Variants in VWF observed in about 807,000 individuals in gnomAD.
VWF encodes von Willebrand factor.
VWF carries 176 observed loss-of-function variants against 308.6 expected under a neutral mutation model. The observed-to-expected ratio is 0.57, with a 90% confidence interval of 0.50 to 0.65. The LOEUF (loss-of-function observed/expected upper bound fraction) is 0.65, where lower values mean the gene tolerates loss of function less well. VWF is among the 30% of genes least tolerant of loss of function. VWF has a pLI of 0.00. For missense variants in VWF, 3,146 were observed against 3,648.2 expected (o/e 0.86, Z 3.55); for synonymous variants, 1,385 against 1,443.4 (o/e 0.96, Z 0.92).
chr12:6,046,979 C>T lies in VWF; in HGVS notation c.2187-162G>A, dbSNP rs74058516. Among the ~76,000 whole-genome samples the T allele has an allele frequency of 2.2e-3, 342 of 152,296 alleles. 2 individuals carry two copies. The highest frequency in any genetic ancestry group is 7.6e-3 in the African/African-American group (315 of 41,558). On this transcript the variant is annotated intron_variant, in intron 16 of 51. Coordinates refer to ENST00000261405, the MANE Select transcript of VWF (RefSeq NM_000552.5). This position sits in a 1 kb window ranked among gnomAD's most constrained non-coding sequence, Gnocchi z 5.0. Reference sequence around the variant, plus strand: ...TAACGTTACCAATGGATGATCCCCACGTCACTAAATCCCATGGGACTTTTT... The same window carrying T: ...TAACGTTACCAATGGATGATCCCCATGTCACTAAATCCCATGGGACTTTTT...
chr12:6,026,022 T>C lies in VWF; in HGVS notation c.2992A>G (p.Asn998Asp). The C allele has an allele frequency of 6.2e-7, 1 of 1,613,852 alleles. No homozygotes were observed. Among genetic ancestry groups the C allele is most frequent in the Non-Finnish European group, 8.5e-7 (1 of 1,179,844 alleles). Residue 998 changes from asparagine to aspartate, a missense_variant, in exon 23 of 52, where the codon AAT becomes GAT. By Grantham distance (23) the Asn-to-Asp change is conservative. Around this residue, in one of 3 missense-constraint regions of VWF, gnomAD observed 1,304 missense variants for 1,353.0 expected, o/e 0.96. Coordinates refer to ENST00000261405, the MANE Select transcript of VWF (RefSeq NM_000552.5). Reference sequence around the variant, plus strand: ...TCATTGTTCTGGATGCCATCAAAATTCCCACACAGGCCACACACTTTCTCC... The same window carrying C: ...TCATTGTTCTGGATGCCATCAAAATCCCCACACAGGCCACACACTTTCTCC... ...YQEKVCGLCGNFDGIQNNDLT... is the reference protein window; with the variant it reads ...YQEKVCGLCGDFDGIQNNDLT...
intron 10 of VWF, among the ~76,000 whole-genome samples, chr12:6,066,463 C>T (rs1417438312): frequency 2.0e-5 from 3 of 152,240 alleles, no homozygotes; most frequent in Non-Finnish European, 4.4e-5. Flanking sequence ...TTTTCCCACC[C>T]AGTCACTCTA....
At chr12:6,066,219 C>T (rs1228782456) in intron 10 of VWF, among the ~76,000 whole-genome samples, 1 of 152,206 alleles carries the variant, frequency 6.6e-6, no homozygotes, top group Non-Finnish European at 1.5e-5. Flanking sequence ...GGTGTCCTGG[C>T]AGGGGGAGGC....
In VWF at chr12:6,097,048, A is replaced by G. The variant is rs142288997; in HGVS notation, c.533-1464T>C. On this transcript the variant is annotated intron_variant, in intron 5 of 51. Coordinates refer to ENST00000261405, the MANE Select transcript of VWF (RefSeq NM_000552.5). ...CTGGAGCATGTAAATATTATCTCAT[A>G]TGGCAAAAGATGTGCTTGAGTTAGG... Among the ~76,000 whole-genome samples the G allele has an allele frequency of 2.0e-3, 299 of 152,316 alleles. 2 individuals carry two copies. Among genetic ancestry groups the G allele is most frequent in the African/African-American group, 6.9e-3 (286 of 41,564 alleles).
intron 6 of VWF, among the ~76,000 whole-genome samples, chr12:6,092,563 AGTGT>A (rs1180304207): frequency 7.0e-6 from 1 of 142,264 alleles, no homozygotes; most frequent in Non-Finnish European, 1.5e-5. Flanking sequence ...ATGCCCAGCT[AGTGT>A]GTGTGCGTGC....
Position 5,967,363 on chromosome 12 carries a change from A to G in VWF, c.7887+123T>C, listed in dbSNP as rs902372127. 7.0e-6 allele frequency: 6 copies of G among 862,868 alleles called. No homozygotes were observed. In the African/African-American group the frequency reaches 1.0e-4, roughly 14 times the overall value. The allele number at this position is 862,868 out of a possible 1,614,324, so 53.5% of individuals were successfully genotyped here. On this transcript the variant is annotated intron_variant, in intron 47 of 51. Coordinates refer to ENST00000261405, the MANE Select transcript of VWF (RefSeq NM_000552.5). ...TTTAGTCTCTTCTTTATTATTGTCA[A>G]TTATTGTTTATAATCAGAAAATAAT...
At chr12:6,107,163 T>C (rs193205870) in intron 5 of VWF, among the ~76,000 whole-genome samples, 4 of 152,122 alleles carry the variant, frequency 2.6e-5, no homozygotes, top group Admixed American at 2.6e-4. Flanking sequence ...CTTACAAGAC[T>C]AAATACTGCA....
chr12:6,100,086 A>G (rs1945144406), intron 5 of VWF, among the ~76,000 whole-genome samples: 1 of 152,126 alleles, frequency 6.6e-6, no homozygotes, highest in African/African-American at 2.4e-5. Flanking sequence ...GGTGAAGGAC[A>G]TGAGCAGACA....
chr12:6,115,203 A>G (rs1945349324), intron 3 of VWF, among the ~76,000 whole-genome samples: 2 of 151,722 alleles, frequency 1.3e-5, no homozygotes. Flanking sequence ...TGCCCAGCTA[A>G]TTTTTGTATA....
chr12:6,072,375 C>A lies in VWF; in HGVS notation c.1065G>T (p.Lys355Asn), dbSNP rs1944790962. 6.2e-7 allele frequency: 1 copy of A among 1,614,108 alleles called. No individual in the cohort carries two copies. Among genetic ancestry groups the A allele is most frequent in the African/African-American group, 1.3e-5 (1 of 75,024 alleles). Reference sequence around the variant, plus strand: ...AGAGGGAGGTGCCGGGAGGGTAGCGCTTTCCGGAATGCACGCAGGGACACT... The same window carrying A: ...AGAGGGAGGTGCCGGGAGGGTAGCGATTTCCGGAATGCACGCAGGGACACT... ...STECPCVHSG[K>N]RYPPGTSLSR... The change falls in exon 9 of 52, where the codon AAG (lysine) becomes AAT (asparagine). Residue 355 changes from lysine (K) to asparagine (N), a missense_variant. By Grantham distance (94) the Lys-to-Asn change is moderately conservative. This residue lies in a region of VWF where 1,304 missense variants were observed against 1,353.0 expected (regional missense o/e 0.96). Coordinates refer to ENST00000261405, the MANE Select transcript of VWF (RefSeq NM_000552.5).
chr12:6,075,339 C>A lies in VWF; in HGVS notation c.870G>T (p.Ala290=). Residue 290 remains alanine (A), a synonymous_variant, in exon 7 of 52, where the codon GCG becomes GCT. Coordinates refer to ENST00000261405, the MANE Select transcript of VWF (RefSeq NM_000552.5). The surrounding 1 kb of genome is among the most constrained non-coding windows in gnomAD (Gnocchi z 4.7). ...CGGGGCAGGGGGCCGACTTACTGCA[C>A]GCGCTGTGGTCGGTCCAGCCGTACA... ...MVLYGWTDHS[A]CSPVCPAGME... 2.5e-6 allele frequency: 4 copies of A among 1,613,962 alleles called. No homozygotes were observed. The highest frequency in any genetic ancestry group is 1.1e-5 in the South Asian group (1 of 91,082).
chr12:6,123,234 C>T lies in VWF; in HGVS notation c.1-38G>A, dbSNP rs1436038684. The T allele has an allele frequency of 2.5e-6, 4 of 1,613,488 alleles. No homozygotes were observed. The South Asian group carries it at 3.3e-5, about 13-fold the overall frequency. ...AAGAGACGTGAGCTGGTCATTGCTG[C>T]CCAGGTAGGCGGCTGCTGGTGTGGC... On this transcript the variant is annotated intron_variant, in intron 1 of 51. Coordinates refer to ENST00000261405, the MANE Select transcript of VWF (RefSeq NM_000552.5).
intron 47 of VWF, among the ~76,000 whole-genome samples, chr12:5,964,519 A>AT (rs1263593419): frequency 3.3e-5 from 5 of 152,188 alleles, no homozygotes; most frequent in Non-Finnish European, 7.3e-5. Context: ...ATTTTGCCAC[A>AT]TTTAGTGATC....
intron 10 of VWF, among the ~76,000 whole-genome samples, chr12:6,069,498 C>G (rs1436090367): frequency 6.6e-6 from 1 of 152,180 alleles, no homozygotes; most frequent in Non-Finnish European, 1.5e-5. Context: ...ACCATACCGC[C>G]TATTCTTCCC....
rs751847519 is a variant in VWF at position 6,071,263 on chromosome 12, G to A, written c.1156+34C>T. On this transcript the variant is annotated intron_variant, in intron 10 of 51. Transcript: ENST00000261405. ...GGAGGAGACGCCTCCCCGATTCAGG[G>A]AAGGAGGAAGAGAATGAGCGGCAGG... is the stretch of plus-strand genomic sequence containing the variant. 5 of 1,613,264 alleles carry A rather than the reference G, an allele frequency of 3.1e-6. No homozygotes were observed. In the Admixed American group the frequency reaches 5.0e-5, roughly 16 times the overall value.
chr12:5,958,359 A>G (rs1943273080), intron 47 of VWF, among the ~76,000 whole-genome samples: 1 of 152,196 alleles, frequency 6.6e-6, no homozygotes, highest in Non-Finnish European at 1.5e-5. Context: ...TAATAGACAA[A>G]TTAGTCAAAA....
intron 6 of VWF, among the ~76,000 whole-genome samples, chr12:6,077,179 G>A (rs536549104): frequency 2.4e-3 from 372 of 152,292 alleles, no homozygotes; most frequent in Non-Finnish European, 3.5e-3. Flanking sequence ...GCGTGGTGGC[G>A]CATGCTTGTA....
At chr12:6,110,228 G>A in intron 5 of VWF, 146 bp downstream of exon 5, 2 of 888,162 alleles carry the variant, frequency 2.3e-6, no homozygotes, top group East Asian at 2.4e-5. Flanking sequence ...GGAATGGAAT[G>A]CAAAGAGATA....
rs71581030 is a variant in VWF, at chr12:5,968,171, G to C, written c.7730-4C>G. 329 of 1,613,882 alleles carry C rather than the reference G, an allele frequency of 2.0e-4. No individual in the cohort carries two copies. Among genetic ancestry groups the C allele is most frequent in the Middle Eastern group, 3.3e-4 (2 of 6,084 alleles). On this transcript the variant is annotated splice_polypyrimidine_tract_variant and splice_region_variant and intron_variant, in intron 45 of 51. Coordinates refer to ENST00000261405, the MANE Select transcript of VWF (RefSeq NM_000552.5). ...AGCATGCAGGCCTCCATGCGCTCTG[G>C]GGGAGAGAAAAGTGCAGAGTGAGAG... is the stretch of plus-strand genomic sequence containing the variant.
Sources: allele counts gnomAD v4.1 joint callset (sites outside exome capture counted in the v4.1 genomes callset), GRCh38; gene constraint gnomAD v4.1.1; regional missense constraint gnomAD v4.1.1; non-coding constraint Gnocchi (gnomAD v3.1); transcripts MANE v1.5; gene names NCBI Gene and HGNC (gene_info 2026-07-23, HGNC 2026-07-21).